RFX7: variants seen among roughly 807,000 people sequenced by gnomAD.
RFX7 encodes the protein regulatory factor X7.
A neutral mutation model predicts 111.8 loss-of-function variants in RFX7; 26 were observed. The observed-to-expected ratio is 0.23, with a 90% CI of 0.17 to 0.32. The LOEUF (loss-of-function observed/expected upper bound fraction) is 0.32, where lower values mean the gene tolerates loss of function less well. RFX7 is among the 10% of genes least tolerant of loss of function. The pLI, the probability that RFX7 is intolerant of heterozygous loss-of-function variation, is 1.00. For missense variants in RFX7, 1,573 were observed against 1,772.9 expected (o/e 0.89, Z 2.02); for synonymous variants, 624 against 624.4 (o/e 1.00, Z 0.01).
At chr15:56,203,619 C>T (rs764908144) in intron 2 of RFX7, among the ~76,000 whole-genome samples, 5 of 152,128 alleles carry the variant, frequency 3.3e-5, no homozygotes, top group Non-Finnish European at 5.9e-5. Context: ...AAAGACCTTG[C>T]TGATAAAACA....
chr15:56,202,006 G>T (rs2141183251), intron 2 of RFX7, among the ~76,000 whole-genome samples: 1 of 152,188 alleles, frequency 6.6e-6, no homozygotes, highest in East Asian at 1.9e-4. Context: ...ACTCCAGCCT[G>T]GGCGACAGAG....
intron 3 of RFX7, among the ~76,000 whole-genome samples, chr15:56,162,114 T>G (rs1321062657): frequency 6.6e-6 from 1 of 152,120 alleles, no homozygotes; most frequent in Non-Finnish European, 1.5e-5. Flanking sequence ...CTAGTCACTG[T>G]GTTTTTAACT....
intron 5 of RFX7, among the ~76,000 whole-genome samples, chr15:56,117,195 G>T (rs1321061874): frequency 2.0e-5 from 3 of 152,104 alleles, no homozygotes; most frequent in Non-Finnish European, 2.9e-5. Context: ...GTTACATAGA[G>T]TGCTGTAAAT....
chr15:56,230,871 G>A (rs150773626), intron 2 of RFX7, among the ~76,000 whole-genome samples: 2,063 of 152,312 alleles, frequency 0.014, 45 homozygotes, highest in African/African-American at 0.048. Context: ...AAGGTGGGCA[G>A]ACCACGAGGT....
chr15:56,115,395 A>G (rs2041997281), intron 5 of RFX7, among the ~76,000 whole-genome samples: 1 of 152,196 alleles, frequency 6.6e-6, no homozygotes. Flanking sequence ...CAGTACAGAA[A>G]TCCATACAGA....
intron 5 of RFX7, 89 bp downstream of exon 5, chr15:56,142,689 T>C: frequency 8.4e-7 from 1 of 1,186,090 alleles, no homozygotes; most frequent in African/African-American, 1.5e-5. Flanking sequence ...CAGCTTGATA[T>C]TCACCAATAA....
chr15:56,166,530 C>A (rs1261208292), intron 3 of RFX7, among the ~76,000 whole-genome samples: 1 of 152,100 alleles, frequency 6.6e-6, no homozygotes, highest in East Asian at 1.9e-4. Context: ...AAAGTAATTT[C>A]TCTTTCTATG....
intron 3 of RFX7, among the ~76,000 whole-genome samples, chr15:56,149,458 T>A (rs140894140): frequency 6.6e-6 from 1 of 152,152 alleles, no homozygotes; most frequent in South Asian, 2.1e-4. Flanking sequence ...CCCAGCGAGA[T>A]TGATGCAGAA....
At chr15:56,216,587 T>C (rs1237664501) in intron 2 of RFX7, among the ~76,000 whole-genome samples, 3 of 152,234 alleles carry the variant, frequency 2.0e-5, no homozygotes, top group Non-Finnish European at 4.4e-5. Context: ...GACCCTATCA[T>C]ACTTTAATTT....
intron 3 of RFX7, among the ~76,000 whole-genome samples, chr15:56,151,309 G>T (rs2042566147): frequency 6.6e-6 from 1 of 152,180 alleles, no homozygotes; most frequent in South Asian, 2.1e-4. Flanking sequence ...CAGCCAGACA[G>T]AAAGGTCAGG....
Position 56,243,599 on chromosome 15 carries a change from G to C in RFX7, c.-157C>G, listed in dbSNP as rs1212415477. 4 of 471,590 alleles carry C rather than the reference G, an allele frequency of 8.5e-6. No individual in the cohort carries two copies. In the South Asian group the frequency reaches 3.6e-4, roughly 43 times the overall value. The allele number at this position is 471,590 out of a possible 1,614,324, so 29.2% of individuals were successfully genotyped here. A position where few individuals can be genotyped will look rare whatever the true frequency, so the allele number is the denominator to read the frequency against. On this transcript the variant is annotated 5_prime_UTR_variant, in exon 1 of 10. Coordinates refer to ENST00000559447, the MANE Select transcript of RFX7 (RefSeq NM_022841.7). ...CCGCCGCCTCCTCCCGTCAGCGGCC[G>C]GGGCTGTGGGGGGGTGAGATGGGGG...
At chr15:56,153,999 T>G (rs1236776656) in intron 3 of RFX7, among the ~76,000 whole-genome samples, 1 of 147,818 alleles carries the variant, frequency 6.8e-6, no homozygotes, top group African/African-American at 2.4e-5. Context: ...ACACCAATAA[T>G]AGAGACCCAA....
chr15:56,228,959 ATAAG>A (rs1194959456), intron 2 of RFX7, among the ~76,000 whole-genome samples: 1 of 152,240 alleles, frequency 6.6e-6, no homozygotes, highest in African/African-American at 2.4e-5. Context: ...AAATAGTAAA[ATAAG>A]TAATTATAAT....
intron 2 of RFX7, among the ~76,000 whole-genome samples, chr15:56,226,703 G>C (rs1281235123): frequency 6.6e-6 from 1 of 152,158 alleles, no homozygotes; most frequent in Non-Finnish European, 1.5e-5. Context: ...ATTGTGATAA[G>C]ACCTGCTATT....
At chr15:56,231,992 T>G (rs2043564262) in intron 2 of RFX7, among the ~76,000 whole-genome samples, 1 of 152,200 alleles carries the variant, frequency 6.6e-6, no homozygotes. Flanking sequence ...ATTCAAGAGG[T>G]GGGTTCCCAT....
chr15:56,215,165 A>G (rs1222094766), intron 2 of RFX7, among the ~76,000 whole-genome samples: 1 of 152,216 alleles, frequency 6.6e-6, no homozygotes, highest in East Asian at 1.9e-4. Context: ...ACCTTCATGT[A>G]TGTTAAATCA....
At chr15:56,160,810 T>A (rs1305420854) in intron 3 of RFX7, 1 of 152,102 alleles carries the variant, frequency 6.6e-6, no homozygotes, top group Non-Finnish European at 1.5e-5. Context: ...CTATTTTCCA[T>A]GCTTGTTGCT....
At chr15:56,157,720 T>TAAATCTG (rs2042671042) in intron 3 of RFX7, among the ~76,000 whole-genome samples, 1 of 152,164 alleles carries the variant, frequency 6.6e-6, no homozygotes, top group Non-Finnish European at 1.5e-5. Flanking sequence ...GCTGGGATTA[T>TAAATCTG]AGGCGTGTGC....
intron 2 of RFX7, among the ~76,000 whole-genome samples, chr15:56,235,173 TTTG>T (rs1199847957): frequency 1.8e-4 from 26 of 146,858 alleles, no homozygotes; most frequent in African/African-American, 5.2e-4. Flanking sequence ...CCTGTTCTCG[TTTG>T]TTGTTTTTTT....
Sources: allele counts gnomAD v4.1 joint callset (sites outside exome capture counted in the v4.1 genomes callset), GRCh38; gene constraint gnomAD v4.1.1; transcripts MANE v1.5; gene names NCBI Gene and HGNC (gene_info 2026-07-23, HGNC 2026-07-21).